PDE1C: variants seen among roughly 807,000 people sequenced by gnomAD.
PDE1C encodes the protein dual specificity calcium/calmodulin-dependent 3',5'-cyclic nucleotide phosphodiesterase 1C.
Under a neutral mutation model 93.1 loss-of-function variants are expected in PDE1C, and 62 were observed. That is an observed-to-expected ratio of 0.67 (90% CI 0.54 to 0.82). PDE1C has a LOEUF of 0.82. Among genes scored for constraint, PDE1C ranks in the 40% least tolerant of loss-of-function variants. The pLI is 0.00. For missense variants in PDE1C, 742 were observed against 884.6 expected, an observed-to-expected ratio of 0.84 and a Z score of 2.04; for synonymous variants, 325 against 310.1, an observed-to-expected ratio of 1.05 and a Z score of -0.50.
intron 7 of PDE1C, among the ~76,000 whole-genome samples, chr7:31,857,531 C>T (rs1173086376): frequency 6.6e-6 from 1 of 152,092 alleles, no homozygotes; most frequent in Non-Finnish European, 1.5e-5. Context: ...AGCCATTTTA[C>T]AAGCATAAGG....
intron 1 of PDE1C, among the ~76,000 whole-genome samples, chr7:32,218,563 C>G (rs944855406): frequency 6.6e-6 from 1 of 152,180 alleles, no homozygotes; most frequent in East Asian, 1.9e-4. Context: ...AAACACATAT[C>G]CTGTACTTTT....
At chr7:32,280,054 A>G (rs1336829915) in intron 1 of PDE1C, among the ~76,000 whole-genome samples, 1 of 152,224 alleles carries the variant, frequency 6.6e-6, no homozygotes, top group Non-Finnish European at 1.5e-5. Context: ...CACACACCCA[A>G]TAGAATATAT....
intron 16 of PDE1C, among the ~76,000 whole-genome samples, chr7:31,794,140 A>G (rs1215536574): frequency 6.6e-6 from 1 of 151,646 alleles, no homozygotes; most frequent in East Asian, 1.9e-4. Flanking sequence ...AGGCAGACAG[A>G]CAGACAGACA....
At position 32,372,059 on chromosome 7, in the gene PDE1C, T is replaced by TG. The variant is rs202119660; in HGVS notation, c.310+55762_310+55763insC. On this transcript the variant is annotated intron_variant, in intron 1 of 1. Transcript: ENST00000672256. ...AACATCTATGGTCAATTGATTTTTT[T>TG]TTTTTTTTTTTTGAGACAGAGTCTG... 9.8e-3 allele frequency among the ~76,000 whole-genome samples: 1,474 copies of TG among 150,260 alleles called. 38 individuals carry two copies. Among genetic ancestry groups the TG allele is most frequent in the Admixed American group, 0.047 (714 of 15,108 alleles).
intron 6 of PDE1C, among the ~76,000 whole-genome samples, chr7:31,873,090 G>A (rs532712347): frequency 6.6e-6 from 1 of 152,168 alleles, no homozygotes; most frequent in South Asian, 2.1e-4. Context: ...TCTCTCCCAT[G>A]CCGCTGAGAC....
the PDE1C span, among the ~76,000 whole-genome samples, chr7:31,624,209 T>C: frequency 0.013 from 1,840 of 146,870 alleles, 13 homozygotes; most frequent in African/African-American, 0.026. Flanking sequence ...AGGTAATTTA[T>C]AGATTCAATG....
chr7:31,805,342 C>CA (rs1786685137), intron 16 of PDE1C, among the ~76,000 whole-genome samples: 1 of 151,786 alleles, frequency 6.6e-6, no homozygotes, highest in African/African-American at 2.4e-5. Context: ...CTGGAATTTT[C>CA]CACTTAATAT....
chr7:31,807,132 A>T (rs1357109105), intron 16 of PDE1C, among the ~76,000 whole-genome samples: 2 of 151,960 alleles, frequency 1.3e-5, no homozygotes, highest in Non-Finnish European at 2.9e-5. Context: ...AGCAGTAATG[A>T]TGTCATATTA....
At chr7:31,767,840 C>G (rs2109835) in intron 17 of PDE1C, among the ~76,000 whole-genome samples, 52,538 of 151,944 alleles carry the variant, frequency 0.35, 9,717 homozygotes, top group African/African-American at 0.47. Context: ...TAAAAACAGA[C>G]CAAGCTAGCT....
intron 2 of PDE1C, among the ~76,000 whole-genome samples, chr7:31,979,530 C>T (rs189978339): frequency 1.3e-5 from 2 of 152,220 alleles, no homozygotes; most frequent in Non-Finnish European, 1.5e-5. Context: ...GAAACAGCCA[C>T]AGGGAGGGGT....
the PDE1C span, among the ~76,000 whole-genome samples, chr7:31,691,133 C>A: frequency 6.6e-6 from 1 of 152,168 alleles, no homozygotes; most frequent in East Asian, 1.9e-4. Context: ...TCTGAAGTCA[C>A]TCAGTACAAT....
intron 2 of PDE1C, among the ~76,000 whole-genome samples, chr7:31,887,824 A>T (rs931596505): frequency 6.6e-6 from 1 of 152,244 alleles, no homozygotes; most frequent in Non-Finnish European, 1.5e-5. Flanking sequence ...AAATATTTCA[A>T]GTGTATGGAA....
chr7:31,618,854 T>C, the PDE1C span, among the ~76,000 whole-genome samples: 5 of 152,242 alleles, frequency 3.3e-5, no homozygotes, highest in Non-Finnish European at 5.9e-5. Context: ...GTTGTGATTA[T>C]CACTTTATTA....
intron 1 of PDE1C, among the ~76,000 whole-genome samples, chr7:32,313,869 C>T (rs146281354): frequency 0.015 from 2,239 of 151,822 alleles, 23 homozygotes; most frequent in Middle Eastern, 0.031. Flanking sequence ...CAAACCTGAA[C>T]ATTGTGCACA....
chr7:32,160,052 T>C (rs1208430385), intron 3 of PDE1C, among the ~76,000 whole-genome samples: 2 of 151,912 alleles, frequency 1.3e-5, no homozygotes, highest in African/African-American at 4.8e-5. Context: ...AACCAGACCA[T>C]CCTCAGGGCC....
chr7:32,099,889 C>T (rs958904543), intron 3 of PDE1C, among the ~76,000 whole-genome samples: 1 of 152,150 alleles, frequency 6.6e-6, no homozygotes, highest in African/African-American at 2.4e-5. Flanking sequence ...CAATTATCAC[C>T]CCTTCAGTGA....
chr7:31,808,942 A>G, intron 16 of PDE1C, 89 bp downstream of exon 16: 1 of 730,818 alleles, frequency 1.4e-6, no homozygotes, highest in Non-Finnish European at 2.4e-6. Context: ...TATATTCACA[A>G]CCACTATTTC....
At chr7:31,880,927 T>C (rs545896934) in intron 2 of PDE1C, 67 bp from the exon 3 acceptor site, 1 of 977,424 alleles carries the variant, frequency 1.0e-6, no homozygotes, top group South Asian at 1.3e-5. Context: ...ACAACTATGG[T>C]GATACATTTT....
intron 1 of PDE1C, among the ~76,000 whole-genome samples, chr7:32,420,124 T>TATATATATACAC (rs1207972839): frequency 6.9e-4 from 9 of 13,088 alleles, no homozygotes; most frequent in African/African-American, 9.8e-4. Context: ...TATATATATA[T>TATATATATACAC]ACACACACAC....
Sources: gnomAD v4.1 joint callset for allele counts (sites outside exome capture counted in the v4.1 genomes callset) on GRCh38, gnomAD v4.1.1 for gene constraint, MANE v1.5 for transcripts, NCBI Gene and HGNC (gene_info 2026-07-23, HGNC 2026-07-21) for gene names.